The following BLTP3B variants were observed in gnomAD, a reference collection of about 807,000 sequenced individuals.
BLTP3B encodes bridge-like lipid transfer protein family member 3B.
At chr12:100,116,660 T>C in the BLTP3B span, among the ~76,000 whole-genome samples, 1 of 152,116 alleles carries the variant, frequency 6.6e-6, no homozygotes, top group Non-Finnish European at 1.5e-5. Context: ...AAGACTAAAA[T>C]TGCTTTTCCC....
the BLTP3B span, among the ~76,000 whole-genome samples, chr12:100,070,743 C>T: frequency 6.6e-6 from 1 of 152,008 alleles, no homozygotes; most frequent in African/African-American, 2.4e-5. Context: ...CCTGTAATCT[C>T]AGCACTTTGG....
At chr12:100,100,211 G>C in the BLTP3B span, among the ~76,000 whole-genome samples, 1 of 151,936 alleles carries the variant, frequency 6.6e-6, no homozygotes, top group Non-Finnish European at 1.5e-5. Context: ...AGGCTGAGCT[G>C]AGAGGATCGC....
the BLTP3B span, chr12:100,047,740 C>A: frequency 1.9e-6 from 2 of 1,076,296 alleles, no homozygotes; most frequent in Admixed American, 2.5e-5. Context: ...GCTGATATAG[C>A]GAGAAAACTG....
At chr12:100,091,183 ATTTTTTTTTTT>A in the BLTP3B span, among the ~76,000 whole-genome samples, 6 of 81,218 alleles carry the variant, frequency 7.4e-5, no homozygotes, top group Admixed American at 1.6e-4. Context: ...CGCCTGGCTA[ATTTTTTTTTTT>A]TTTTTTTTTT....
chr12:100,119,118 A>T, the BLTP3B span, among the ~76,000 whole-genome samples: 1 of 152,092 alleles, frequency 6.6e-6, no homozygotes, highest in Non-Finnish European at 1.5e-5. Context: ...GAAATAAAAT[A>T]AAAAAATAAA....
At chr12:100,140,719 AAAAAAAAAAAATATATATATAT>A in the BLTP3B span, among the ~76,000 whole-genome samples, 3 of 109,688 alleles carry the variant, frequency 2.7e-5, no homozygotes, top group Non-Finnish European at 5.3e-5. Context: ...AAAAAAAAAA[AAAAAAAAAAAATATATATATAT>A]ATATATATAT....
the BLTP3B span, among the ~76,000 whole-genome samples, chr12:100,135,466 A>G: frequency 1.3e-5 from 2 of 151,738 alleles, no homozygotes; most frequent in African/African-American, 4.8e-5. Flanking sequence ...ACAGGATTTC[A>G]CCATGTTGGC....
At chr12:100,137,767 G>A in the BLTP3B span, among the ~76,000 whole-genome samples, 4 of 152,086 alleles carry the variant, frequency 2.6e-5, no homozygotes, top group South Asian at 2.1e-4. Context: ...TCACCCCCAG[G>A]ATAAAGTTCA....
chr12:100,115,688 C>T, the BLTP3B span, among the ~76,000 whole-genome samples: 1 of 151,452 alleles, frequency 6.6e-6, no homozygotes, highest in Non-Finnish European at 1.5e-5. Flanking sequence ...CCCTCAAGCC[C>T]GGGAGATTGA....
At chr12:100,120,372 C>A in the BLTP3B span, among the ~76,000 whole-genome samples, 4 of 149,748 alleles carry the variant, frequency 2.7e-5, no homozygotes, top group Non-Finnish European at 5.9e-5. Flanking sequence ...GATTCCATCT[C>A]AAAAAAGAAA....
the BLTP3B span, among the ~76,000 whole-genome samples, chr12:100,108,873 T>C: frequency 6.6e-6 from 1 of 151,958 alleles, no homozygotes; most frequent in Non-Finnish European, 1.5e-5. Context: ...ATTGAATACA[T>C]GGAGATCAAG....
At chr12:100,130,584 T>A in the BLTP3B span, among the ~76,000 whole-genome samples, 2 of 152,270 alleles carry the variant, frequency 1.3e-5, no homozygotes, top group Non-Finnish European at 2.9e-5. Context: ...CTCTTTATAG[T>A]GCATTTCAGT....
At chr12:100,039,817 A>G in the BLTP3B span, 1 of 1,572,968 alleles carries the variant, frequency 6.4e-7, no homozygotes, top group East Asian at 2.3e-5. Flanking sequence ...ATGCTCAGAT[A>G]ACATTTCCAA....
At chr12:100,048,297 C>T in the BLTP3B span, 20 of 1,333,834 alleles carry the variant, frequency 1.5e-5, no homozygotes, top group Admixed American at 5.4e-5. Flanking sequence ...TTACTATTTC[C>T]CCCTAGTTTA....
the BLTP3B span, among the ~76,000 whole-genome samples, chr12:100,062,243 T>C: frequency 3.9e-5 from 6 of 152,266 alleles, no homozygotes; most frequent in Non-Finnish European, 2.9e-5. Context: ...CAAATGAATA[T>C]ACTTACGTTT....
the BLTP3B span, among the ~76,000 whole-genome samples, chr12:100,117,316 CATGTTGATAA>C: frequency 1.3e-5 from 2 of 152,108 alleles, no homozygotes; most frequent in Non-Finnish European, 2.9e-5. Flanking sequence ...GGCAATAAGA[CATGTTGATAA>C]TATGTACCCC....
At chr12:100,086,225 T>A in the BLTP3B span, 1 of 1,193,644 alleles carries the variant, frequency 8.4e-7, no homozygotes, top group Non-Finnish European at 1.1e-6. Context: ...AAATTAGCTA[T>A]ATAATTTGAA....
the BLTP3B span, chr12:100,051,847 A>G: frequency 5.3e-5 from 8 of 152,194 alleles, no homozygotes; most frequent in African/African-American, 9.7e-5. Context: ...GAAGTTCAAG[A>G]CCAGCCTGGG....
At chr12:100,049,508 G>A in the BLTP3B span, among the ~76,000 whole-genome samples, 2 of 152,074 alleles carry the variant, frequency 1.3e-5, no homozygotes, top group African/African-American at 4.8e-5. Flanking sequence ...ACCAAGGATA[G>A]GTCTCCATTC....
Sources: gnomAD v4.1 joint callset for allele counts (sites outside exome capture counted in the v4.1 genomes callset) on GRCh38, gnomAD v4.1.1 for gene constraint, MANE v1.5 for transcripts, NCBI Gene and HGNC (gene_info 2026-07-23, HGNC 2026-07-21) for gene names.